Variants in SH2D3A observed in about 807,000 individuals in gnomAD.
The protein encoded by SH2D3A is SH2 domain-containing protein 3A.
In SH2D3A, 46 loss-of-function variants were observed where a neutral mutation model predicts 50.6. The observed-to-expected ratio is 0.91, with a 90% CI of 0.72 to 1.16. SH2D3A has a LOEUF of 1.16. Among genes scored for constraint, SH2D3A ranks in the 50% most tolerant of loss-of-function variants. The pLI is 0.00. For synonymous variants in SH2D3A, 377 were observed against 348.4 expected (o/e 1.08, Z -0.91); for missense variants, 783 against 786.2 (o/e 1.00, Z 0.05).
intron 2 of SH2D3A, among the ~76,000 whole-genome samples, chr19:6,763,209 G>A (rs190512884): frequency 4.6e-5 from 7 of 152,078 alleles, no homozygotes; most frequent in Admixed American, 2.0e-4. Context: ...GACTACAGGC[G>A]CATACCACCA....
At position 6,754,831 on chromosome 19, in the gene SH2D3A, C is replaced by G; in HGVS notation, c.981G>C (p.Gln327His). Residue 327 changes from glutamine to histidine, a missense_variant and splice_region_variant, in exon 5 of 10, where the codon CAG (glutamine) becomes CAC (histidine). By Grantham distance (24) the Gln-to-His change is conservative. Transcript: ENST00000245908. ...AGGAGCATCCCAGGAGGTGACCCAC[C>G]TGGCAGTCTACCAATAGCAGGTGAA... The part of the protein sequence containing the change: ...TALHLLLVDC[Q>H]ATGLLGVTRD... 6.2e-7 allele frequency: 1 copy of G among 1,605,646 alleles called. No individual in the cohort carries two copies. The highest frequency in any genetic ancestry group is 8.5e-7 in the Non-Finnish European group (1 of 1,174,510).
chr19:6,763,014 G>T (rs1211971421), intron 2 of SH2D3A, among the ~76,000 whole-genome samples: 2 of 151,918 alleles, frequency 1.3e-5, no homozygotes, highest in African/African-American at 4.8e-5. Context: ...AATTTTTGGG[G>T]GTGACAACTG....
chr19:6,752,567 G>T lies in SH2D3A; in HGVS notation c.*26C>A, dbSNP rs777659410. ...GGGTTCGCAAAAACCTGGGGGTCCC[G>T]GGTGTGAAGAAGGGTGTCTGCGCTC... is the stretch of plus-strand genomic sequence containing the variant. On this transcript the variant is annotated 3_prime_UTR_variant, in exon 10 of 10. Transcript: ENST00000245908. 50 of 1,505,310 alleles carry T rather than the reference G, an allele frequency of 3.3e-5. No individual in the cohort carries two copies. Among genetic ancestry groups the T allele is most frequent in the Admixed American group, 4.3e-5 (2 of 45,982 alleles). The allele number at this position is 1,505,310 out of a possible 1,614,324, so 93.2% of individuals were successfully genotyped here. A position where few individuals can be genotyped will look rare whatever the true frequency, so the allele number is the denominator to read the frequency against.
rs141009475 is a variant in SH2D3A at position 6,765,228 on chromosome 19, C to T, written c.-68-1412G>A. Among the ~76,000 whole-genome samples, 164 of 147,412 alleles carry T rather than the reference C, an allele frequency of 1.1e-3. 1 individual carries two copies. The highest frequency in any genetic ancestry group is 4.0e-3 in the Middle Eastern group (1 of 250). ...TATATGTAGAGATTGGGTCTTGCCACGTTGCCCAGGCTGGGTGAACATTTT... is the reference window on the plus strand; with the variant it reads ...TATATGTAGAGATTGGGTCTTGCCATGTTGCCCAGGCTGGGTGAACATTTT... On this transcript the variant is annotated intron_variant, in intron 1 of 9. Transcript: ENST00000245908.
At chr19:6,760,487 G>C (rs1568267837) in intron 3 of SH2D3A, 151 bp downstream of exon 3, 1 of 619,376 alleles carries the variant, frequency 1.6e-6, no homozygotes, top group Non-Finnish European at 2.7e-6. Context: ...GAACCTGAGA[G>C]GTGGAGGTTG....
chr19:6,757,055 C>T (rs1175053527), intron 4 of SH2D3A, among the ~76,000 whole-genome samples: 4 of 151,720 alleles, frequency 2.6e-5, no homozygotes, highest in African/African-American at 9.7e-5. Context: ...TTAGTAGACA[C>T]GGGGTTTCAC....
chr19:6,763,666 GC>G lies in SH2D3A; in HGVS notation c.69+13del. On this transcript the variant is annotated intron_variant, in intron 2 of 9. Coordinates refer to ENST00000245908, the MANE Select transcript of SH2D3A (RefSeq NM_005490.3). ...CCCCACCAGATGGTGCTGAGGTCCT[GC>G]TGTGGGTGGTACCTGGCGGGACAGG... 6.2e-7 allele frequency: 1 copy of G among 1,611,226 alleles called. No individual in the cohort carries two copies.
Position 6,763,664 on chromosome 19 carries a change from C to G in SH2D3A, c.69+16G>C, listed in dbSNP as rs1237106425. 4.3e-6 allele frequency: 7 copies of G among 1,610,974 alleles called. No homozygotes were observed. In the East Asian group the frequency reaches 1.6e-4, roughly 36 times the overall value. The stretch of plus-strand genomic sequence containing the variant: ...CTCCCCACCAGATGGTGCTGAGGTC[C>G]TGCTGTGGGTGGTACCTGGCGGGAC... On this transcript the variant is annotated intron_variant, in intron 2 of 9. Coordinates refer to ENST00000245908, the MANE Select transcript of SH2D3A (RefSeq NM_005490.3).
At chr19:6,754,761 A>C in intron 5 of SH2D3A, 30 bp from the exon 6 acceptor site, 1 of 1,613,804 alleles carries the variant, frequency 6.2e-7, no homozygotes, top group Middle Eastern at 1.6e-4. Flanking sequence ...AGTCAGGTGA[A>C]GCGTGATTAT....
chr19:6,763,898 ATC>A, intron 1 of SH2D3A, 82 bp from the exon 2 acceptor site: 3 of 340,382 alleles, frequency 8.8e-6, no homozygotes, highest in African/African-American at 4.8e-5. Context: ...AGACAGCTCC[ATC>A]AAATCTTTTT....
In SH2D3A at chr19:6,754,043, T is replaced by G. The variant is rs1013742277; in HGVS notation, c.1384+9A>C. 6.3e-7 allele frequency: 1 copy of G among 1,591,554 alleles called. No homozygotes were observed. The highest frequency in any genetic ancestry group is 1.3e-5 in the African/African-American group (1 of 74,078). On this transcript the variant is annotated intron_variant, in intron 8 of 9. Transcript: ENST00000245908. ...CCCAGGGGATGCTAAGCCCCAGACC[T>G]TCACTTACCAGCGCCCTCATCCAGA...
Position 6,759,614 on chromosome 19 carries a change from C to T in SH2D3A, c.476G>A (p.Arg159Lys). ...CTTACCCATCCCAGCGGGGTCTTCT[C>T]TTGACCGCCCCATATGTGCCAAATC... Reference protein sequence around the residue: ...PADLAHMGRSREDPAGMEAST... With the variant: ...PADLAHMGRSKEDPAGMEAST... Residue 159 changes from arginine (R) to lysine (K), a missense_variant, in exon 4 of 10, where the codon AGA becomes AAA. By Grantham distance (26) the Arg-to-Lys change is conservative. Coordinates refer to ENST00000245908, the MANE Select transcript of SH2D3A (RefSeq NM_005490.3). 1 of 1,614,024 alleles carries T rather than the reference C, an allele frequency of 6.2e-7. No homozygotes were observed. The highest frequency in any genetic ancestry group is 8.5e-7 in the Non-Finnish European group (1 of 1,179,912).
chr19:6,760,962 T>C lies in SH2D3A; in HGVS notation c.95A>G (p.Asn32Ser). The change falls in exon 3 of 10, where the codon AAT becomes AGT. Residue 32 changes from asparagine (N) to serine (S), a missense_variant. Physicochemically the swap from Asn to Ser is conservative, Grantham distance 46. Transcript: ENST00000245908. The stretch of plus-strand genomic sequence containing the variant: ...AGAGGCGCGAACCAGGAAGTCGCCA[T>C]TTTGCTGAAGAAGAGCTTCAGCCTT... ...RQKAEALLQQ[N>S]GDFLVRASGS... The C allele has an allele frequency of 6.2e-7, 1 of 1,612,398 alleles. No individual in the cohort carries two copies. The highest frequency in any genetic ancestry group is 8.5e-7 in the Non-Finnish European group (1 of 1,179,056).
At position 6,755,279 on chromosome 19, in the gene SH2D3A, G is replaced by T. The variant is rs548861462; in HGVS notation, c.533C>A (p.Thr178Lys). The stretch of plus-strand genomic sequence containing the variant: ...CTTCAGCAACACCGGGTCACTGCTC[G>T]TTCGGGGCAAGGCAGATATGGGCAT... ...STMPISALPR[T>K]SSDPVLLKAP... The change falls in exon 5 of 10, where the codon ACG becomes AAG. Residue 178 changes from threonine to lysine, a missense_variant. By Grantham distance (78) the Thr-to-Lys change is moderately conservative (BLOSUM62 -1). Coordinates refer to ENST00000245908, the MANE Select transcript of SH2D3A (RefSeq NM_005490.3). 3 of 1,521,258 alleles carry T rather than the reference G, an allele frequency of 2.0e-6. No homozygotes were observed. Among genetic ancestry groups the T allele is most frequent in the Middle Eastern group, 1.8e-4 (1 of 5,612 alleles). The allele number at this position is 1,521,258 out of a possible 1,614,324, so 94.2% of individuals were successfully genotyped here. A position where few individuals can be genotyped will look rare whatever the true frequency, so the allele number is the denominator to read the frequency against.
chr19:6,753,495 C>T lies in SH2D3A; in HGVS notation c.1531G>A (p.Ala511Thr). ...LHGARHMVRD[A>T]PKFRKVAAQR... ...GCTGCCACCTTGCGGAATTTGGGTG[C>T]GTCCCGGACCATGTGACGCGCCCCG... Residue 511 changes from alanine (A) to threonine (T), a missense_variant, in exon 9 of 10, where the codon GCA (alanine) becomes ACA (threonine). Transcript: ENST00000245908. 11 of 1,535,940 alleles carry T rather than the reference C, an allele frequency of 7.2e-6. No homozygotes were observed. Among genetic ancestry groups the T allele is most frequent in the South Asian group, 1.2e-5 (1 of 83,280 alleles).
In SH2D3A at chr19:6,763,817, C is replaced by A. The variant is rs565602370; in HGVS notation, c.-68-1G>T. On this transcript the variant is annotated splice_acceptor_variant, in intron 1 of 9. Transcript: ENST00000245908. LOFTEE classifies it low-confidence loss of function (5UTR_SPLICE). ...TTCAACAGGCCTCAGTCTTCCACATCTGTAAAAGGGGAATAATTAGCCCTG... is the reference window on the plus strand; with the variant it reads ...TTCAACAGGCCTCAGTCTTCCACATATGTAAAAGGGGAATAATTAGCCCTG... 7.7e-7 allele frequency: 1 copy of A among 1,297,988 alleles called. No individual in the cohort carries two copies. Among genetic ancestry groups the A allele is most frequent in the Non-Finnish European group, 1.1e-6 (1 of 918,522 alleles). The allele number at this position is 1,297,988 out of a possible 1,614,324, so 80.4% of individuals were successfully genotyped here.
In SH2D3A at chr19:6,752,702, C is replaced by A; in HGVS notation, c.1622G>T (p.Arg541Leu). The A allele has an allele frequency of 6.4e-7, 1 of 1,552,320 alleles. No homozygotes were observed. Among genetic ancestry groups the A allele is most frequent in the Non-Finnish European group, 8.7e-7 (1 of 1,147,592 alleles). Reference protein sequence around the residue: ...LREALTTGFVRRLLWGSRGAG... With the variant: ...LREALTTGFVLRLLWGSRGAG... ...GCCCCGGCTACCCCAGAGCAGCCTCCGCACGAAGCCGGTGGTCAGGGCCTC... is the reference window on the plus strand; with the variant it reads ...GCCCCGGCTACCCCAGAGCAGCCTCAGCACGAAGCCGGTGGTCAGGGCCTC... Residue 541 changes from arginine to leucine, a missense_variant, in exon 10 of 10, where the codon CGG (arginine) becomes CTG (leucine). By Grantham distance (102) the Arg-to-Leu change is moderately radical. Coordinates refer to ENST00000245908, the MANE Select transcript of SH2D3A (RefSeq NM_005490.3).
intron 2 of SH2D3A, among the ~76,000 whole-genome samples, chr19:6,763,306 C>T (rs1347729511): frequency 3.3e-5 from 5 of 152,022 alleles, no homozygotes; most frequent in African/African-American, 9.7e-5. Flanking sequence ...TCAAGTGATC[C>T]GCCCACCTCG....
In SH2D3A at chr19:6,755,023, ATCCTCC is replaced by A. The variant is rs765224084; in HGVS notation, c.783_788del (p.Glu261_Glu262del). On this transcript the variant is annotated inframe_deletion, in exon 5 of 10. Transcript: ENST00000245908. ...TAAAACATCTATTCTCTTCCTCCTC[ATCCTCC>A]TCGGCCTCCCACCATGGGGCCTCTG... 10 of 1,613,484 alleles carry A rather than the reference ATCCTCC, an allele frequency of 6.2e-6. No individual in the cohort carries two copies. The highest frequency in any genetic ancestry group is 1.7e-5 in the Admixed American group (1 of 59,972).
Sources: allele counts gnomAD v4.1 joint callset (sites outside exome capture counted in the v4.1 genomes callset), GRCh38; gene constraint gnomAD v4.1.1; transcripts MANE v1.5; gene names NCBI Gene and HGNC (gene_info 2026-07-23, HGNC 2026-07-21).